Variants in URAD observed in about 807,000 individuals in gnomAD.
URAD encodes putative 2-oxo-4-hydroxy-4-carboxy-5-ureidoimidazoline decarboxylase.
Under a neutral mutation model 4.6 loss-of-function variants are expected in URAD, and 4 were observed. The ratio of observed to expected loss-of-function variants is 0.87; its 90% CI spans 0.43 to 1.98. URAD has a LOEUF of 1.98. URAD is among the 30% of genes most tolerant of loss of function. The pLI is 0.03. For synonymous variants in URAD, 144 were observed against 118.2 expected (o/e 1.22, Z -1.41); for missense variants, 300 against 255.3 (o/e 1.18, Z -1.19).
At chr13:27,984,670 G>A (rs1017077429) in intron 1 of URAD, among the ~76,000 whole-genome samples, 8 of 152,152 alleles carry the variant, frequency 5.3e-5, no homozygotes, top group African/African-American at 1.9e-4. Flanking sequence ...AAAGGGTAAA[G>A]CTAGACTGTA....
rs1187350708 is a variant in URAD at position 27,978,060 on chromosome 13, C to A, written c.*46G>T. 2 of 1,395,756 alleles carry A rather than the reference C, an allele frequency of 1.4e-6. No homozygotes were observed. The highest frequency in any genetic ancestry group is 1.8e-6 in the Non-Finnish European group (2 of 1,082,626). 86.5% of individuals were successfully genotyped at this position (1,395,756 alleles called of 1,614,324 possible). A position where few individuals can be genotyped will look rare whatever the true frequency, so the allele number is the denominator to read the frequency against. On this transcript the variant is annotated 3_prime_UTR_variant, in exon 2 of 2. Coordinates refer to ENST00000332715, the MANE Select transcript of URAD (RefSeq NM_001105577.2). ...GGACGCACAGCTCCGGGCCGTGGCC[C>A]CCGCGCGTCCGGTTGTGCGTCCCGG... is the stretch of plus-strand genomic sequence containing the variant.
At chr13:27,981,303 A>C (rs1743411054) in intron 1 of URAD, among the ~76,000 whole-genome samples, 1 of 152,180 alleles carries the variant, frequency 6.6e-6, no homozygotes, top group Admixed American at 6.5e-5. Flanking sequence ...GAGGCTGGAT[A>C]CTGGGCAAGT....
rs528124996 is a variant in URAD at position 27,982,703 on chromosome 13, G to T, written c.176-4251C>A. Among the ~76,000 whole-genome samples the T allele has an allele frequency of 2.0e-4, 31 of 152,120 alleles. No homozygotes were observed. In the South Asian group the frequency reaches 6.4e-3, roughly 32 times the overall value. ...CAGCATTTTCATCTGGATGATTTTTGGGTATCTTAGACTCAGCAAGCTCCT... is the reference window on the plus strand; with the variant it reads ...CAGCATTTTCATCTGGATGATTTTTTGGTATCTTAGACTCAGCAAGCTCCT... On this transcript the variant is annotated intron_variant, in intron 1 of 1. Transcript: ENST00000332715.
chr13:27,978,302 G>A lies in URAD; in HGVS notation c.326C>T (p.Ala109Val). The change falls in exon 2 of 2, where the codon GCG becomes GTG. Residue 109 changes from alanine (A) to valine (V), a missense_variant. Ala to Val is a moderately conservative substitution (Grantham distance 64). Transcript: ENST00000332715. ...DERLRLAELN[A>V]QYRARFGFPF... ...GAAACCGAAGCGCGCGCGGTACTGC[G>A]CGTTGAGCTCGGCCAGCCGCAGCCG... 3 of 1,406,446 alleles carry A rather than the reference G, an allele frequency of 2.1e-6. No homozygotes were observed. The highest frequency in any genetic ancestry group is 3.1e-5 in the South Asian group (2 of 65,308). The allele number at this position is 1,406,446 out of a possible 1,614,324, so 87.1% of individuals were successfully genotyped here.
At chr13:27,982,528 T>C (rs1009145127) in intron 1 of URAD, among the ~76,000 whole-genome samples, 2 of 152,166 alleles carry the variant, frequency 1.3e-5, no homozygotes, top group African/African-American at 4.8e-5. Flanking sequence ...TACCCACATC[T>C]CATCCCTTTG....
rs1409498976 is a variant in URAD at position 27,988,586 on chromosome 13, A to G, written c.52T>C (p.Phe18Leu). ...GGACATCTCTCAGTGGCATTCCCAA[A>G]CACATCCACGAATTCTCCAAGGTCC... is the stretch of plus-strand genomic sequence containing the variant. ...SMDLGEFVDV[F>L]GNATERCPLI... Residue 18 changes from phenylalanine to leucine, a missense_variant, in exon 1 of 2, where the codon TTT (phenylalanine) becomes CTT (leucine). By Grantham distance (22) the Phe-to-Leu change is conservative (BLOSUM62 0). Transcript: ENST00000332715. 2 of 1,613,762 alleles carry G rather than the reference A, an allele frequency of 1.2e-6. No homozygotes were observed. Among genetic ancestry groups the G allele is most frequent in the South Asian group, 2.2e-5 (2 of 91,058 alleles).
chr13:27,980,523 T>C (rs1190479864), intron 1 of URAD, among the ~76,000 whole-genome samples: 2 of 152,206 alleles, frequency 1.3e-5, no homozygotes, highest in Non-Finnish European at 2.9e-5. Context: ...AGTGCGAGTC[T>C]TGGGCGGCTG....
rs372746450 is a variant in URAD, at chr13:27,978,914, G to T, written c.176-462C>A. Among the ~76,000 whole-genome samples, 8 of 152,136 alleles carry T rather than the reference G, an allele frequency of 5.3e-5. No individual in the cohort carries two copies. In the South Asian group the frequency reaches 1.7e-3, roughly 32 times the overall value. On this transcript the variant is annotated intron_variant, in intron 1 of 1. Coordinates refer to ENST00000332715, the MANE Select transcript of URAD (RefSeq NM_001105577.2). Reference sequence around the variant, plus strand: ...GCTTTGATGTCTAAAGGGGCCGGACGCAAGGGCCTGAAGACTTCCTGCAAA... The same window carrying T: ...GCTTTGATGTCTAAAGGGGCCGGACTCAAGGGCCTGAAGACTTCCTGCAAA...
At chr13:27,978,557 C>A in intron 1 of URAD, 105 bp from the exon 2 acceptor site, 1 of 867,890 alleles carries the variant, frequency 1.2e-6, no homozygotes, top group South Asian at 5.1e-5. Context: ...TGCCCCGCCC[C>A]GCCCCGCCCG....
chr13:27,988,634 C>T lies in URAD; in HGVS notation c.4G>A (p.Asp2Asn), dbSNP rs1252789823. M[D>N]IEKVNSMDLG... Reference sequence around the variant, plus strand: ...TCCATGGAGTTGACCTTCTCAATGTCCATTCCTTGTATTCCACTGGAGACA... The same window carrying T: ...TCCATGGAGTTGACCTTCTCAATGTTCATTCCTTGTATTCCACTGGAGACA... The change falls in exon 1 of 2, where the codon GAC becomes AAC. Residue 2 changes from aspartate to asparagine, a missense_variant. Transcript: ENST00000332715. The T allele has an allele frequency of 6.2e-7, 1 of 1,601,164 alleles. No homozygotes were observed. The highest frequency in any genetic ancestry group is 8.5e-7 in the Non-Finnish European group (1 of 1,173,348).
Position 27,978,462 on chromosome 13 carries a change from A to C in URAD, c.176-10T>G. On this transcript the variant is annotated splice_polypyrimidine_tract_variant and intron_variant, in intron 1 of 1. Transcript: ENST00000332715. ...AGGATGCCCTCCTGGCCTGCGGAGA[A>C]GCACAGACACCGGCGGGAGCGCGTC... 7.6e-7 allele frequency: 1 copy of C among 1,317,436 alleles called. No homozygotes were observed. The highest frequency in any genetic ancestry group is 3.2e-5 in the East Asian group (1 of 31,602). 81.6% of individuals were successfully genotyped at this position (1,317,436 alleles called of 1,614,324 possible).
At chr13:27,985,151 A>G (rs191145474) in intron 1 of URAD, among the ~76,000 whole-genome samples, 3 of 151,972 alleles carry the variant, frequency 2.0e-5, no homozygotes, top group African/African-American at 7.2e-5. Flanking sequence ...TGGTAGTAAG[A>G]ACATTTAAAA....
At chr13:27,987,991 GC>G (rs1282930678) in intron 1 of URAD, among the ~76,000 whole-genome samples, 4 of 152,034 alleles carry the variant, frequency 2.6e-5, no homozygotes, top group Non-Finnish European at 2.9e-5. Flanking sequence ...ACATAGTCTT[GC>G]TCTGCCACCA....
At position 27,978,048 on chromosome 13, in the gene URAD, C is replaced by T. The variant is rs1181053592; in HGVS notation, c.*58G>A. The T allele has an allele frequency of 5.1e-6, 7 of 1,366,414 alleles. No individual in the cohort carries two copies. Among genetic ancestry groups the T allele is most frequent in the Non-Finnish European group, 6.6e-6 (7 of 1,058,540 alleles). 84.6% of individuals were successfully genotyped at this position (1,366,414 alleles called of 1,614,324 possible). A position where few individuals can be genotyped will look rare whatever the true frequency, so the allele number is the denominator to read the frequency against. ...GCCTCCCGCCCAGGACGCACAGCTC[C>T]GGGCCGTGGCCCCCGCGCGTCCGGT... On this transcript the variant is annotated 3_prime_UTR_variant, in exon 2 of 2. Coordinates refer to ENST00000332715, the MANE Select transcript of URAD (RefSeq NM_001105577.2).
chr13:27,983,364 G>A (rs1372754684), intron 1 of URAD, among the ~76,000 whole-genome samples: 2 of 152,080 alleles, frequency 1.3e-5, no homozygotes, highest in African/African-American at 4.8e-5. Context: ...CGAGTAGCTA[G>A]GATTACTGGT....
At chr13:27,979,642 T>G (rs1270890692) in intron 1 of URAD, among the ~76,000 whole-genome samples, 1 of 152,240 alleles carries the variant, frequency 6.6e-6, no homozygotes, top group Non-Finnish European at 1.5e-5. Context: ...GTAAAGCGGT[T>G]GTCCGCCTCT....
intron 1 of URAD, among the ~76,000 whole-genome samples, chr13:27,981,438 T>G (rs1192938394): frequency 6.6e-6 from 1 of 152,200 alleles, no homozygotes; most frequent in African/African-American, 2.4e-5. Flanking sequence ...CAGTCTTTCT[T>G]GAAAATCTGG....
Position 27,987,145 on chromosome 13 carries a change from C to T in URAD, c.175+1318G>A, listed in dbSNP as rs547517050. Among the ~76,000 whole-genome samples, 8 of 152,336 alleles carry T rather than the reference C, an allele frequency of 5.3e-5. No homozygotes were observed. In the South Asian group the frequency reaches 1.0e-3, roughly 20 times the overall value. ...GGCTGTCAAAGGCCATCCTGATAGG[C>T]GGCATCGTCTGTTGGCTCCTTTTTG... On this transcript the variant is annotated intron_variant, in intron 1 of 1. Transcript: ENST00000332715.
chr13:27,986,281 T>C (rs917581406), intron 1 of URAD, among the ~76,000 whole-genome samples: 4 of 152,186 alleles, frequency 2.6e-5, no homozygotes, highest in Non-Finnish European at 5.9e-5. Context: ...CAGCAAACTT[T>C]GATTAAGTCC....
Sources: gnomAD v4.1 joint callset for allele counts (sites outside exome capture counted in the v4.1 genomes callset) on GRCh38, gnomAD v4.1.1 for gene constraint, MANE v1.5 for transcripts, NCBI Gene and HGNC (gene_info 2026-07-23, HGNC 2026-07-21) for gene names.